The following TBC1D5 variants were observed in gnomAD, a reference collection of about 807,000 sequenced individuals.
TBC1D5 encodes TBC1 domain family, member 5.
TBC1D5 carries 75 observed loss-of-function variants against 100.3 expected under a neutral mutation model. The ratio of observed to expected loss-of-function variants is 0.75; its 90% CI spans 0.62 to 0.91. The LOEUF is 0.91. Ranked by LOEUF, TBC1D5 falls within the 40% of genes least tolerant of loss-of-function variation. TBC1D5 has a pLI of 0.00. For missense variants in TBC1D5, 910 were observed against 942.4 expected (o/e 0.97, Z 0.45); for synonymous variants, 323 against 325.6 (o/e 0.99, Z 0.09).
intron 1 of TBC1D5, among the ~76,000 whole-genome samples, chr3:17,697,070 A>G (rs1275834126): frequency 1.3e-5 from 2 of 152,228 alleles, no homozygotes; most frequent in African/African-American, 4.8e-5. Flanking sequence ...CATGCTAAAA[A>G]CTCTCAATAA....
Position 17,539,964 on chromosome 3 carries a change from T to A in TBC1D5, c.-35-31359A>T, listed in dbSNP as rs374114601. Reference sequence around the variant, plus strand: ...TACCATTTTACCTTCCCACCAACAGTGCACAAGGGTTCCAATTTTTTCCAC... The same window carrying A: ...TACCATTTTACCTTCCCACCAACAGAGCACAAGGGTTCCAATTTTTTCCAC... On this transcript the variant is annotated intron_variant, in intron 2 of 21. Transcript: ENST00000253692. Among the ~76,000 whole-genome samples, 6 of 152,202 alleles carry A rather than the reference T, an allele frequency of 3.9e-5. No homozygotes were observed. In the East Asian group the frequency reaches 1.2e-3, roughly 29 times the overall value.
chr3:17,702,567 T>A (rs1204080990), intron 1 of TBC1D5, among the ~76,000 whole-genome samples: 1 of 152,092 alleles, frequency 6.6e-6, no homozygotes, highest in Non-Finnish European at 1.5e-5. Flanking sequence ...CAAAATCTAA[T>A]CAACAGCTGC....
chr3:17,204,420 A>G (rs569498674), intron 18 of TBC1D5, among the ~76,000 whole-genome samples: 3 of 152,360 alleles, frequency 2.0e-5, no homozygotes, highest in East Asian at 1.9e-4. Flanking sequence ...AACGCTATCA[A>G]TGACACATTT....
chr3:17,245,224 T>C (rs2076639585), intron 16 of TBC1D5, among the ~76,000 whole-genome samples: 1 of 152,148 alleles, frequency 6.6e-6, no homozygotes, highest in Non-Finnish European at 1.5e-5. Context: ...TTTTGAATTC[T>C]GTAAAAGGAA....
chr3:17,252,704 G>C (rs2077279208), intron 16 of TBC1D5, among the ~76,000 whole-genome samples: 1 of 152,158 alleles, frequency 6.6e-6, no homozygotes, highest in Non-Finnish European at 1.5e-5. Context: ...TCAAGGGCTG[G>C]CCTAAGCAGA....
At chr3:17,660,570 G>C (rs2066544133) in intron 1 of TBC1D5, among the ~76,000 whole-genome samples, 1 of 152,180 alleles carries the variant, frequency 6.6e-6, no homozygotes, top group Non-Finnish European at 1.5e-5. Flanking sequence ...CCAATAATGA[G>C]AAAAATTCTT....
intron 19 of TBC1D5, among the ~76,000 whole-genome samples, chr3:17,175,970 G>C (rs761182832): frequency 2.3e-4 from 35 of 152,218 alleles, no homozygotes; most frequent in Non-Finnish European, 4.8e-4. Flanking sequence ...TAGTAAGCCT[G>C]TTTCCACAGA....
At chr3:17,706,262 A>T (rs2074150329) in intron 1 of TBC1D5, 11 of 1,548,422 alleles carry the variant, frequency 7.1e-6, no homozygotes, top group Non-Finnish European at 9.6e-6. Flanking sequence ...ACTTCTTCAC[A>T]TACTCAGCTC....
chr3:17,300,113 G>C (rs1425000704), intron 14 of TBC1D5, among the ~76,000 whole-genome samples: 3 of 152,096 alleles, frequency 2.0e-5, no homozygotes, highest in African/African-American at 7.2e-5. Flanking sequence ...GAAACATGAG[G>C]AGACTGTTAA....
intron 13 of TBC1D5, among the ~76,000 whole-genome samples, chr3:17,361,106 C>A (rs1239237689): frequency 6.6e-6 from 1 of 151,936 alleles, no homozygotes; most frequent in African/African-American, 2.4e-5. Context: ...CCTCATATGT[C>A]CATTATATTT....
intron 13 of TBC1D5, among the ~76,000 whole-genome samples, chr3:17,340,848 T>C (rs1040663597): frequency 7.9e-5 from 12 of 152,196 alleles, no homozygotes; most frequent in Admixed American, 6.5e-5. Context: ...GTGTGTATAG[T>C]AGCGGTATCT....
chr3:17,199,561 A>G (rs1259390254), intron 18 of TBC1D5, among the ~76,000 whole-genome samples: 1 of 152,242 alleles, frequency 6.6e-6, no homozygotes, highest in Non-Finnish European at 1.5e-5. Context: ...AGAACATCCC[A>G]AAGTTAAGCA....
intron 2 of TBC1D5, among the ~76,000 whole-genome samples, chr3:17,531,708 A>G (rs1474720111): frequency 6.6e-6 from 1 of 152,210 alleles, no homozygotes; most frequent in Non-Finnish European, 1.5e-5. Context: ...GATCTTTGAC[A>G]AACCTGAGAA....
In TBC1D5 at chr3:17,595,748, C is replaced by T. The variant is rs372409074; in HGVS notation, c.-36+28101G>A. The stretch of plus-strand genomic sequence containing the variant: ...AGGCTCCCTGAACCCACACCCCAAG[C>T]CCTTTCCACTAAAAAGTAGGACGGC... On this transcript the variant is annotated intron_variant, in intron 2 of 21. Coordinates refer to ENST00000253692, the Ensembl canonical transcript of TBC1D5. Among the ~76,000 whole-genome samples, 176 of 152,278 alleles carry T rather than the reference C, an allele frequency of 1.2e-3. 5 individuals carry two copies. The South Asian group carries it at 0.034, about 29-fold the overall frequency.
chr3:17,196,284 T>C (rs1249623937), intron 18 of TBC1D5, among the ~76,000 whole-genome samples: 1 of 152,168 alleles, frequency 6.6e-6, no homozygotes, highest in Non-Finnish European at 1.5e-5. Context: ...CAGCTACTTA[T>C]TACAAGTGCT....
chr3:17,551,863 G>C (rs1031982097), intron 2 of TBC1D5, among the ~76,000 whole-genome samples: 8 of 152,058 alleles, frequency 5.3e-5, no homozygotes, highest in Admixed American at 6.5e-5. Flanking sequence ...AAACAACTGC[G>C]TATTAAAATA....
At chr3:17,516,513 G>A (rs1241215168) in intron 2 of TBC1D5, among the ~76,000 whole-genome samples, 2 of 152,126 alleles carry the variant, frequency 1.3e-5, no homozygotes, top group East Asian at 3.8e-4. Context: ...AGCAGAAATT[G>A]TCATTCACCA....
At chr3:17,501,391 T>G (rs2095786799) in intron 3 of TBC1D5, among the ~76,000 whole-genome samples, 2 of 149,506 alleles carry the variant, frequency 1.3e-5, no homozygotes. Flanking sequence ...ACTATTTTCT[T>G]TGGAATTTAG....
intron 3 of TBC1D5, among the ~76,000 whole-genome samples, chr3:17,435,375 G>C (rs2094517612): frequency 6.6e-6 from 1 of 152,148 alleles, no homozygotes; most frequent in Admixed American, 6.5e-5. Context: ...AATTTATAAA[G>C]GAAAGAGGTT....
Sources: allele counts gnomAD v4.1 joint callset (sites outside exome capture counted in the v4.1 genomes callset), GRCh38; gene constraint gnomAD v4.1.1; transcripts MANE v1.5; gene names NCBI Gene and HGNC (gene_info 2026-07-23, HGNC 2026-07-21).